The following PPP1R13B variants were observed in gnomAD, a reference collection of about 807,000 sequenced individuals.
PPP1R13B encodes the protein apoptosis-stimulating of p53 protein 1.
Under a neutral mutation model 119.8 loss-of-function variants are expected in PPP1R13B, and 44 were observed. The ratio of observed to expected loss-of-function variants is 0.37; its 90% confidence interval spans 0.29 to 0.47. The LOEUF (loss-of-function observed/expected upper bound fraction) is 0.47. PPP1R13B is among the 20% of genes least tolerant of loss of function. The pLI, the probability that PPP1R13B is intolerant of heterozygous loss-of-function variation, is 0.99. For missense variants in PPP1R13B, 1,227 were observed against 1,413.5 expected (o/e 0.87, Z 2.12); for synonymous variants, 542 against 561.5 (o/e 0.97, Z 0.49).
At chr14:103,831,581 G>C (rs575682290) in intron 1 of PPP1R13B, among the ~76,000 whole-genome samples, 86 of 151,142 alleles carry the variant, frequency 5.7e-4, no homozygotes, top group African/African-American at 2.0e-3. Flanking sequence ...AAAGTGCTGG[G>C]ATTATAGGCG....
At chr14:103,764,243 C>A (rs985439032) in intron 4 of PPP1R13B, 1 of 159,594 alleles carries the variant, frequency 6.3e-6, no homozygotes, top group Admixed American at 6.5e-5. Flanking sequence ...GCAATGGACA[C>A]CAGTGTGTCC....
chr14:103,755,125 G>A (rs11625676), intron 5 of PPP1R13B, among the ~76,000 whole-genome samples: 12,134 of 152,050 alleles, frequency 0.08, 537 homozygotes, highest in Middle Eastern at 0.12. Flanking sequence ...TAATATAAGC[G>A]CTTCTGCAGA....
intron 4 of PPP1R13B, among the ~76,000 whole-genome samples, chr14:103,771,799 A>G (rs954123126): frequency 6.6e-6 from 1 of 152,154 alleles, no homozygotes; most frequent in African/African-American, 2.4e-5. Context: ...CTAGAAGTGA[A>G]AATTTTAATG....
chr14:103,768,593 G>A (rs2084991935), intron 4 of PPP1R13B, among the ~76,000 whole-genome samples: 1 of 151,796 alleles, frequency 6.6e-6, no homozygotes, highest in African/African-American at 2.4e-5. Flanking sequence ...CACTGCACCA[G>A]GCCTAATTTT....
In PPP1R13B at chr14:103,806,715, C is replaced by T. The variant is rs539226446; in HGVS notation, c.10-9197G>A. ...TTAGCCTCTCAAAGACTGAAAAACA[C>T]ACCTGGGAGTTGCTGTCATCCACAC... On this transcript the variant is annotated intron_variant, in intron 1 of 16. Coordinates refer to ENST00000202556, the MANE Select transcript of PPP1R13B (RefSeq NM_015316.3). 4.6e-5 allele frequency among the ~76,000 whole-genome samples: 7 copies of T among 152,268 alleles called. No individual in the cohort carries two copies. In the South Asian group the frequency reaches 1.5e-3, roughly 32 times the overall value.
chr14:103,789,353 G>C (rs1216306619), intron 2 of PPP1R13B, among the ~76,000 whole-genome samples: 1 of 151,854 alleles, frequency 6.6e-6, no homozygotes, highest in Non-Finnish European at 1.5e-5. Flanking sequence ...CGAGTAGCTG[G>C]GATTACAGGC....
intron 3 of PPP1R13B, among the ~76,000 whole-genome samples, chr14:103,783,592 G>T (rs1326376686): frequency 2.0e-5 from 3 of 151,174 alleles, no homozygotes; most frequent in Non-Finnish European, 4.4e-5. Context: ...CTGTTGCCCT[G>T]GCTGGCTGGA....
intron 5 of PPP1R13B, 115 bp downstream of exon 5, chr14:103,757,535 A>T: frequency 2.3e-6 from 2 of 883,442 alleles, no homozygotes; most frequent in East Asian, 5.0e-5. Flanking sequence ...TAGCACTCCT[A>T]TGGCATGGTC....
Position 103,740,607 on chromosome 14 carries a change from A to G in PPP1R13B, c.1823-14T>C. On this transcript the variant is annotated splice_polypyrimidine_tract_variant and intron_variant, in intron 11 of 16. Coordinates refer to ENST00000202556, the MANE Select transcript of PPP1R13B (RefSeq NM_015316.3). This position sits in a 1 kb window ranked among gnomAD's most constrained non-coding sequence, Gnocchi z 4.6. ...GCTTACCATACACTGGGGAAGACACAAAGGACAGGCAATTTTGACCTCACT... is the reference window on the plus strand; with the variant it reads ...GCTTACCATACACTGGGGAAGACACGAAGGACAGGCAATTTTGACCTCACT... 1 of 1,495,774 alleles carries G rather than the reference A, an allele frequency of 6.7e-7. No individual in the cohort carries two copies. Among genetic ancestry groups the G allele is most frequent in the Non-Finnish European group, 8.9e-7 (1 of 1,124,506 alleles). 92.7% of individuals were successfully genotyped at this position (1,495,774 alleles called of 1,614,324 possible).
intron 4 of PPP1R13B, among the ~76,000 whole-genome samples, chr14:103,770,631 G>A (rs1199945522): frequency 6.6e-6 from 1 of 152,080 alleles, no homozygotes; most frequent in Non-Finnish European, 1.5e-5. Context: ...CTATCAAAGT[G>A]CACAGATAAC....
At chr14:103,796,175 C>G (rs529236066) in intron 2 of PPP1R13B, among the ~76,000 whole-genome samples, 10 of 151,888 alleles carry the variant, frequency 6.6e-5, no homozygotes, top group Non-Finnish European at 1.3e-4. Context: ...CCCAGCTACA[C>G]GAGAGGCTGA....
At chr14:103,841,462 C>T (rs1356473429) in intron 1 of PPP1R13B, among the ~76,000 whole-genome samples, 2 of 149,742 alleles carry the variant, frequency 1.3e-5, no homozygotes, top group South Asian at 2.1e-4. Flanking sequence ...TGGTGGCGGG[C>T]GCCTGTAATC....
Position 103,742,365 on chromosome 14 carries a change from AG to A in PPP1R13B, c.1321-75del. 3 of 1,479,902 alleles carry A rather than the reference AG, an allele frequency of 2.0e-6. No homozygotes were observed. The East Asian group carries it at 6.8e-5, about 34-fold the overall frequency. The allele number at this position is 1,479,902 out of a possible 1,614,324, so 91.7% of individuals were successfully genotyped here. On this transcript the variant is annotated intron_variant, in intron 10 of 16. Coordinates refer to ENST00000202556, the MANE Select transcript of PPP1R13B (RefSeq NM_015316.3). This position sits in a 1 kb window ranked among gnomAD's most constrained non-coding sequence, Gnocchi z 4.9. ...AAGAATATTTCCACCCACATTCCCA[AG>A]AGAATACACAGTAGAATTTGTAATC... is the stretch of plus-strand genomic sequence containing the variant.
Position 103,738,985 on chromosome 14 carries a change from C to A in PPP1R13B, c.2631G>T (p.Arg877=). Reference sequence around the variant, plus strand: ...ACCGGACTCTCAGCCCGTGCCCCGTCCGCTCCGAGTTGGGCTTCTTCAAGT... The same window carrying A: ...ACCGGACTCTCAGCCCGTGCCCCGTACGCTCCGAGTTGGGCTTCTTCAAGT... ...RTNLKKPNSE[R]TGHGLRVRFN... The change falls in exon 13 of 17, where the codon CGG becomes CGT. Residue 877 remains arginine, a synonymous_variant. Coordinates refer to ENST00000202556, the MANE Select transcript of PPP1R13B (RefSeq NM_015316.3). The surrounding 1 kb of genome is among the most constrained non-coding windows in gnomAD (Gnocchi z 5.6). 6.2e-7 allele frequency: 1 copy of A among 1,614,100 alleles called. No homozygotes were observed. Among genetic ancestry groups the A allele is most frequent in the African/African-American group, 1.3e-5 (1 of 75,068 alleles).
chr14:103,796,275 A>C (rs2085755054), intron 2 of PPP1R13B, among the ~76,000 whole-genome samples: 1 of 151,832 alleles, frequency 6.6e-6, no homozygotes, highest in Non-Finnish European at 1.5e-5. Context: ...AGAGAAAGAC[A>C]CTGTCTCAAA....
intron 1 of PPP1R13B, among the ~76,000 whole-genome samples, chr14:103,820,546 T>C: frequency 6.6e-6 from 1 of 151,734 alleles, no homozygotes; most frequent in Non-Finnish European, 1.5e-5. Context: ...TGGAGTGCAG[T>C]GGTGCAATTA....
At chr14:103,780,972 G>A (rs2152019787) in intron 3 of PPP1R13B, among the ~76,000 whole-genome samples, 1 of 152,180 alleles carries the variant, frequency 6.6e-6, no homozygotes, top group East Asian at 1.9e-4. Flanking sequence ...GAGTGTTACA[G>A]GTGGGGAAGA....
At position 103,738,463 on chromosome 14, in the gene PPP1R13B, ATAACCACAGCCACGTTTT is replaced by A; in HGVS notation, c.2864+198_2864+215del. 1.5e-6 allele frequency: 1 copy of A among 667,862 alleles called. No individual in the cohort carries two copies. Among genetic ancestry groups the A allele is most frequent in the Non-Finnish European group, 2.5e-6 (1 of 403,680 alleles). The allele number at this position is 667,862 out of a possible 1,614,324, so 41.4% of individuals were successfully genotyped here. A position where few individuals can be genotyped will look rare whatever the true frequency, so the allele number is the denominator to read the frequency against. ...GTTAATGACGAGGCACAGAAAGAGC[ATAACCACAGCCACGTTTT>A]TAACAAAATCATCAAGAGAAAAGGC... is the stretch of plus-strand genomic sequence containing the variant. On this transcript the variant is annotated intron_variant, in intron 14 of 16. Coordinates refer to ENST00000202556, the MANE Select transcript of PPP1R13B (RefSeq NM_015316.3). This position sits in a 1 kb window ranked among gnomAD's most constrained non-coding sequence, Gnocchi z 5.6.
In PPP1R13B at chr14:103,734,667, T is replaced by C; in HGVS notation, c.*487A>G. ...ACATGTTTCCATACAGAGGCTCCTT[T>C]GGTGATGAAGGGAAGAAGGATCATG... On this transcript the variant is annotated 3_prime_UTR_variant, in exon 17 of 17. Coordinates refer to ENST00000202556, the MANE Select transcript of PPP1R13B (RefSeq NM_015316.3). The C allele has an allele frequency of 2.2e-6, 1 of 456,760 alleles. No homozygotes were observed. Among genetic ancestry groups the C allele is most frequent in the South Asian group, 1.5e-5 (1 of 64,554 alleles). The allele number at this position is 456,760 out of a possible 1,614,324, so 28.3% of individuals were successfully genotyped here. A position where few individuals can be genotyped will look rare whatever the true frequency, so the allele number is the denominator to read the frequency against.
Sources: gnomAD v4.1 joint callset for allele counts (sites outside exome capture counted in the v4.1 genomes callset) on GRCh38, gnomAD v4.1.1 for gene constraint, Gnocchi (gnomAD v3.1) non-coding constraint, MANE v1.5 for transcripts, NCBI Gene and HGNC (gene_info 2026-07-23, HGNC 2026-07-21) for gene names.